Variants in MAGI1 observed in about 807,000 individuals in gnomAD.
The protein encoded by MAGI1 is membrane-associated guanylate kinase, WW and PDZ domain-containing protein 1.
MAGI1 carries 58 observed loss-of-function variants against 139.9 expected under a neutral mutation model. The ratio of observed to expected loss-of-function variants is 0.41; its 90% CI spans 0.34 to 0.52. MAGI1 has a LOEUF of 0.52. MAGI1 is among the 20% of genes least tolerant of loss of function. The pLI is 0.12. For synonymous variants in MAGI1, 812 were observed against 737.9 expected, an observed-to-expected ratio of 1.10 and a Z score of -1.63; for missense variants, 1,874 against 1,901.6, an observed-to-expected ratio of 0.99 and a Z score of 0.27.
intron 1 of MAGI1, among the ~76,000 whole-genome samples, chr3:65,834,069 C>G (rs1374177891): frequency 6.6e-6 from 1 of 152,228 alleles, no homozygotes; most frequent in African/African-American, 2.4e-5. Context: ...TCCCACTTTT[C>G]TGCAGCTGAA....
intron 2 of MAGI1, among the ~76,000 whole-genome samples, chr3:65,539,053 C>T (rs918145052): frequency 1.4e-5 from 2 of 147,270 alleles, no homozygotes; most frequent in Non-Finnish European, 3.0e-5. Context: ...TCAACCAGAA[C>T]CACATACCAA....
intron 2 of MAGI1, among the ~76,000 whole-genome samples, chr3:65,575,876 T>C (rs966069887): frequency 3.9e-5 from 6 of 152,106 alleles, no homozygotes; most frequent in African/African-American, 1.4e-4. Flanking sequence ...CCAGATAACA[T>C]GTTACTGGTT....
intron 3 of MAGI1, among the ~76,000 whole-genome samples, chr3:65,487,510 T>A (rs1446772461): frequency 2.0e-5 from 3 of 152,208 alleles, no homozygotes; most frequent in Admixed American, 6.5e-5. Flanking sequence ...TGAAGTATCT[T>A]AAAGCAAGCT....
chr3:65,999,717 A>AT (rs1221498024), intron 1 of MAGI1, among the ~76,000 whole-genome samples: 1 of 151,986 alleles, frequency 6.6e-6, no homozygotes, highest in Non-Finnish European at 1.5e-5. Flanking sequence ...GGACACACCA[A>AT]TGCTCCACAA....
chr3:66,007,242 G>T (rs1254601820), intron 1 of MAGI1, among the ~76,000 whole-genome samples: 2 of 152,120 alleles, frequency 1.3e-5, no homozygotes, highest in African/African-American at 4.8e-5. Flanking sequence ...GGAGTCCCTG[G>T]ACCTGCCTCG....
chr3:65,710,581 C>A (rs1299298044), intron 1 of MAGI1, among the ~76,000 whole-genome samples: 1 of 152,068 alleles, frequency 6.6e-6, no homozygotes, highest in Non-Finnish European at 1.5e-5. Flanking sequence ...CCAGCCTTAA[C>A]CTTACATTTC....
At chr3:65,806,051 G>C (rs2040834938) in intron 1 of MAGI1, among the ~76,000 whole-genome samples, 1 of 151,912 alleles carries the variant, frequency 6.6e-6, no homozygotes, top group Non-Finnish European at 1.5e-5. Context: ...TGTTTACCTA[G>C]GTAACAAATC....
intron 1 of MAGI1, among the ~76,000 whole-genome samples, chr3:65,824,421 T>C (rs2042114794): frequency 6.6e-6 from 1 of 152,094 alleles, no homozygotes; most frequent in Non-Finnish European, 1.5e-5. Context: ...ATTACATGAG[T>C]GGGAGAAAAA....
chr3:65,567,600 G>A (rs1340052237), intron 2 of MAGI1, among the ~76,000 whole-genome samples: 1 of 152,212 alleles, frequency 6.6e-6, no homozygotes, highest in Non-Finnish European at 1.5e-5. Flanking sequence ...ATTTTGGGAA[G>A]CTGAGGCTGG....
intron 1 of MAGI1, among the ~76,000 whole-genome samples, chr3:65,678,773 C>T (rs2087366294): frequency 6.6e-6 from 1 of 152,192 alleles, no homozygotes; most frequent in African/African-American, 2.4e-5. Flanking sequence ...AACAAGAAAA[C>T]TGTCATTTGG....
chr3:65,637,862 C>G (rs554451094), intron 1 of MAGI1, among the ~76,000 whole-genome samples: 16 of 152,194 alleles, frequency 1.1e-4, no homozygotes, highest in African/African-American at 3.9e-4. Flanking sequence ...CTTTGAAATT[C>G]TTATTTATAT....
At chr3:65,411,708 G>C (rs570781076) in intron 12 of MAGI1, among the ~76,000 whole-genome samples, 2 of 152,220 alleles carry the variant, frequency 1.3e-5, no homozygotes, top group South Asian at 2.1e-4. Context: ...CTGACTTTTA[G>C]GTTGTTTCTT....
At chr3:65,598,717 G>A (rs1338682216) in intron 2 of MAGI1, among the ~76,000 whole-genome samples, 1 of 152,100 alleles carries the variant, frequency 6.6e-6, no homozygotes, top group African/African-American at 2.4e-5. Flanking sequence ...TGTTTTTAAG[G>A]AGTGATAGGA....
chr3:65,670,320 A>G (rs2086777998), intron 1 of MAGI1, among the ~76,000 whole-genome samples: 1 of 148,320 alleles, frequency 6.7e-6, no homozygotes, highest in Non-Finnish European at 1.5e-5. Flanking sequence ...GTATACATAC[A>G]CACATATATA....
chr3:65,880,024 G>A (rs543509980), intron 1 of MAGI1, among the ~76,000 whole-genome samples: 1 of 152,250 alleles, frequency 6.6e-6, no homozygotes, highest in African/African-American at 2.4e-5. Context: ...ACTTTGGGAG[G>A]CCGAAGCAGG....
chr3:65,868,516 G>T (rs1043885219), intron 1 of MAGI1, among the ~76,000 whole-genome samples: 3 of 152,264 alleles, frequency 2.0e-5, no homozygotes, highest in Non-Finnish European at 2.9e-5. Flanking sequence ...CTGGAAAAAT[G>T]CCTTAGTGTC....
chr3:65,416,971 T>C (rs564594815), intron 12 of MAGI1, among the ~76,000 whole-genome samples: 1 of 152,268 alleles, frequency 6.6e-6, no homozygotes, highest in African/African-American at 2.4e-5. Context: ...TCCCTCCAGA[T>C]GGTGGTAAAG....
chr3:65,722,393 G>A lies in MAGI1; in HGVS notation c.314-100305C>T, dbSNP rs72900237. ...CTATAATCCCAGTACTCTGAGAGGC[G>A]GAAGCAGGGATGGACAGATCACTTA... On this transcript the variant is annotated intron_variant, in intron 1 of 22. Coordinates refer to ENST00000402939, the MANE Select transcript of MAGI1 (RefSeq NM_001033057.2). Among the ~76,000 whole-genome samples, 568 of 152,164 alleles carry A rather than the reference G, an allele frequency of 3.7e-3. 1 individual carries two copies. Among genetic ancestry groups the A allele is most frequent in the Middle Eastern group, 0.014 (4 of 294 alleles).
In MAGI1 at chr3:65,400,339, A is replaced by C. The variant is rs572689328; in HGVS notation, c.2199+1100T>G. On this transcript the variant is annotated intron_variant, in intron 13 of 22. Transcript: ENST00000402939. ...TTAGGAGTGAGGTTTAAAATGCAGG[A>C]AGCTCCCTCTCTCATCTCCTTAATA... Among the ~76,000 whole-genome samples the C allele has an allele frequency of 8.5e-5, 13 of 152,252 alleles. 1 individual carries two copies. In the South Asian group the frequency reaches 2.7e-3, roughly 32 times the overall value.
Sources: gnomAD v4.1 joint callset for allele counts (sites outside exome capture counted in the v4.1 genomes callset) on GRCh38, gnomAD v4.1.1 for gene constraint, MANE v1.5 for transcripts, NCBI Gene and HGNC (gene_info 2026-07-23, HGNC 2026-07-21) for gene names.